PPP3CC: variants seen among roughly 807,000 people sequenced by gnomAD.
The protein encoded by PPP3CC is serine/threonine-protein phosphatase 2B catalytic subunit gamma isoform.
A neutral mutation model predicts 60.3 loss-of-function variants in PPP3CC; 35 were observed. That is an observed-to-expected ratio of 0.58 (90% CI 0.44 to 0.77). The LOEUF (loss-of-function observed/expected upper bound fraction) is 0.77. Ranked by LOEUF, PPP3CC falls within the 30% of genes least tolerant of loss-of-function variation. The probability of loss-of-function intolerance (pLI) is 0.00; values close to 1 mark genes in which losing one functional copy is unlikely to be tolerated. For missense variants in PPP3CC, 570 were observed against 628.9 expected (o/e 0.91, Z 1.00); for synonymous variants, 206 against 224.3 (o/e 0.92, Z 0.73).
At chr8:22,452,715 C>A (rs1220603802) in intron 1 of PPP3CC, among the ~76,000 whole-genome samples, 2 of 152,156 alleles carry the variant, frequency 1.3e-5, no homozygotes, top group Non-Finnish European at 2.9e-5. Context: ...GTTTTACCTG[C>A]ATTTCTTTAT....
At chr8:22,444,788 T>C (rs1221405947) in intron 1 of PPP3CC, among the ~76,000 whole-genome samples, 2 of 152,248 alleles carry the variant, frequency 1.3e-5, no homozygotes, top group South Asian at 2.1e-4. Flanking sequence ...TGGGGCACCA[T>C]AACTGGTATC....
chr8:22,526,198 G>A (rs954024822), intron 8 of PPP3CC, among the ~76,000 whole-genome samples: 1 of 152,096 alleles, frequency 6.6e-6, no homozygotes, highest in African/African-American at 2.4e-5. Context: ...AGTTCCACTA[G>A]TTACACGAAA....
Position 22,463,852 on chromosome 8 carries a change from T to C in PPP3CC, c.50-11102T>C, listed in dbSNP as rs574540077. Among the ~76,000 whole-genome samples, 224 of 151,940 alleles carry C rather than the reference T, an allele frequency of 1.5e-3. 2 individuals are homozygous for C. Among genetic ancestry groups the C allele is most frequent in the Non-Finnish European group, 2.5e-3 (169 of 67,966 alleles). On this transcript the variant is annotated intron_variant, in intron 1 of 13. Transcript: ENST00000240139. ...CCCAGGCTGGAGTGCAATGGCATGA[T>C]CTCGGCTCACTGCAACCTCCGCCTC...
In PPP3CC at chr8:22,458,163, T is replaced by A. The variant is rs1837264297; in HGVS notation, c.49+16705T>A. ...TATTTCACACATTACCCATACAATG[T>A]GAGCATGTAGTAGGTACCAGATAAA... On this transcript the variant is annotated intron_variant, in intron 1 of 13. Transcript: ENST00000240139. Among the ~76,000 whole-genome samples the A allele has an allele frequency of 1.3e-5, 2 of 152,220 alleles. 1 individual carries two copies. The highest frequency in any genetic ancestry group is 4.8e-5 in the African/African-American group (2 of 41,458).
intron 1 of PPP3CC, among the ~76,000 whole-genome samples, chr8:22,467,856 C>T (rs1586803388): frequency 6.6e-6 from 1 of 152,182 alleles, no homozygotes; most frequent in African/African-American, 2.4e-5. Context: ...CTGGTGAGGG[C>T]CTCTTCCTTA....
chr8:22,526,712 T>C (rs1839570512), intron 8 of PPP3CC, among the ~76,000 whole-genome samples: 1 of 152,162 alleles, frequency 6.6e-6, no homozygotes, highest in African/African-American at 2.4e-5. Flanking sequence ...TTTAAGACTT[T>C]CAAAATATAA....
intron 1 of PPP3CC, 33 bp downstream of exon 1, chr8:22,441,491 C>T (rs1342857512): frequency 2.0e-6 from 3 of 1,514,434 alleles, no homozygotes; most frequent in Non-Finnish European, 2.7e-6. Flanking sequence ...CTCTGGGACC[C>T]GCGGGAAACG....
intron 1 of PPP3CC, among the ~76,000 whole-genome samples, chr8:22,450,153 G>A (rs767225706): frequency 1.3e-5 from 2 of 152,116 alleles, no homozygotes; most frequent in Non-Finnish European, 2.9e-5. Context: ...ACAGGCGTGA[G>A]CCACCGCGCC....
At chr8:22,535,092 T>A (rs1363294362) in intron 12 of PPP3CC, among the ~76,000 whole-genome samples, 1 of 152,234 alleles carries the variant, frequency 6.6e-6, no homozygotes, top group Non-Finnish European at 1.5e-5. Flanking sequence ...TTTGTGCACC[T>A]GCTGTGCCTC....
intron 3 of PPP3CC, among the ~76,000 whole-genome samples, chr8:22,487,654 T>G (rs772960919): frequency 1.3e-5 from 2 of 152,130 alleles, no homozygotes; most frequent in African/African-American, 2.4e-5. Flanking sequence ...AACAAAGTGC[T>G]TCCTCTTCCT....
In PPP3CC at chr8:22,441,388, C is replaced by T. The variant is rs1027971217; in HGVS notation, c.-22C>T. On this transcript the variant is annotated 5_prime_UTR_variant, in exon 1 of 14. Coordinates refer to ENST00000240139, the MANE Select transcript of PPP3CC (RefSeq NM_005605.5). ...GCGCACGTCCGGCGGGCTCCTGGAG[C>T]CTGGAGGAGGCCGAGGGGACCATGT... The T allele has an allele frequency of 6.5e-7, 1 of 1,532,528 alleles. No homozygotes were observed. The highest frequency in any genetic ancestry group is 1.2e-5 in the South Asian group (1 of 82,058). 94.9% of individuals were successfully genotyped at this position (1,532,528 alleles called of 1,614,324 possible). A position where few individuals can be genotyped will look rare whatever the true frequency, so the allele number is the denominator to read the frequency against.
Position 22,441,394 on chromosome 8 carries a change from G to C in PPP3CC, c.-16G>C. On this transcript the variant is annotated 5_prime_UTR_variant, in exon 1 of 14. Coordinates refer to ENST00000240139, the MANE Select transcript of PPP3CC (RefSeq NM_005605.5). The stretch of plus-strand genomic sequence containing the variant: ...GTCCGGCGGGCTCCTGGAGCCTGGA[G>C]GAGGCCGAGGGGACCATGTCCGGGA... 1 of 1,536,144 alleles carries C rather than the reference G, an allele frequency of 6.5e-7. No individual in the cohort carries two copies. Among genetic ancestry groups the C allele is most frequent in the Middle Eastern group, 1.7e-4 (1 of 5,854 alleles).
At chr8:22,458,661 T>C (rs1484495589) in intron 1 of PPP3CC, among the ~76,000 whole-genome samples, 1 of 151,650 alleles carries the variant, frequency 6.6e-6, no homozygotes, top group Non-Finnish European at 1.5e-5. Flanking sequence ...AATATATATA[T>C]ATCACTACTA....
At position 22,511,131 on chromosome 8, in the gene PPP3CC, C is replaced by T; in HGVS notation, c.530C>T (p.Thr177Ile). ...CAGGTGTATGATGCCTGTATGGAGA[C>T]ATTTGACTGTCTTCCTCTTGCTGCC... Reference protein sequence around the residue: ...SEQVYDACMETFDCLPLAALL... With the variant: ...SEQVYDACMEIFDCLPLAALL... The change falls in exon 5 of 14, where the codon ACA becomes ATA. Residue 177 changes from threonine to isoleucine, a missense_variant. Thr to Ile is a moderately conservative substitution (Grantham distance 89). Transcript: ENST00000240139. The T allele has an allele frequency of 1.2e-6, 2 of 1,614,044 alleles. No homozygotes were observed. The highest frequency in any genetic ancestry group is 2.2e-5 in the East Asian group (1 of 44,880).
At chr8:22,455,590 A>G (rs1240725468) in intron 1 of PPP3CC, among the ~76,000 whole-genome samples, 1 of 152,212 alleles carries the variant, frequency 6.6e-6, no homozygotes, top group Admixed American at 6.5e-5. Context: ...CATGGAAGCA[A>G]GTTGGTTATT....
At position 22,529,779 on chromosome 8, in the gene PPP3CC, C is replaced by G. The variant is rs140957603; in HGVS notation, c.1141+1202C>G. 3.3e-5 allele frequency among the ~76,000 whole-genome samples: 5 copies of G among 152,266 alleles called. No homozygotes were observed. The East Asian group carries it at 9.6e-4, about 29-fold the overall frequency. Reference sequence around the variant, plus strand: ...GGATTAACAAGCATGAGCCACCATGCCCAGCCCCATTTTGATTTTTTTCTT... The same window carrying G: ...GGATTAACAAGCATGAGCCACCATGGCCAGCCCCATTTTGATTTTTTTCTT... On this transcript the variant is annotated intron_variant, in intron 10 of 13. Transcript: ENST00000240139.
At chr8:22,442,342 G>A (rs73546025) in intron 1 of PPP3CC, among the ~76,000 whole-genome samples, 1,737 of 152,318 alleles carry the variant, frequency 0.011, 36 homozygotes, top group African/African-American at 0.04. Context: ...GCCTCTGGAT[G>A]CAGGGGTTAG....
At chr8:22,446,769 G>A (rs1836835075) in intron 1 of PPP3CC, among the ~76,000 whole-genome samples, 1 of 124,618 alleles carries the variant, frequency 8.0e-6, no homozygotes. Context: ...TTGCGCCACT[G>A]CACTCTAGTC....
intron 1 of PPP3CC, among the ~76,000 whole-genome samples, chr8:22,470,137 T>G (rs1268857980): frequency 6.6e-6 from 1 of 151,816 alleles, no homozygotes; most frequent in Non-Finnish European, 1.5e-5. Context: ...TTTCTTTTTT[T>G]TAGAGGCAGA....
Sources: gnomAD v4.1 joint callset for allele counts (sites outside exome capture counted in the v4.1 genomes callset) on GRCh38, gnomAD v4.1.1 for gene constraint, MANE v1.5 for transcripts, NCBI Gene and HGNC (gene_info 2026-07-23, HGNC 2026-07-21) for gene names.